Variants in DAB1 observed in about 807,000 individuals in gnomAD.
DAB1 encodes DAB adaptor protein 1.
Under a neutral mutation model 64.6 loss-of-function variants are expected in DAB1, and 15 were observed. The observed-to-expected ratio is 0.23, with a 90% CI of 0.16 to 0.36. DAB1 has a LOEUF of 0.36. DAB1 is among the 10% of genes least tolerant of loss of function. The pLI is 1.00. For synonymous variants in DAB1, 235 were observed against 251.9 expected (o/e 0.93, Z 0.64); for missense variants, 596 against 706.7 (o/e 0.84, Z 1.78).
intron 4 of DAB1, among the ~76,000 whole-genome samples, chr1:58,269,035 TTAAG>T (rs1338922512): frequency 6.6e-6 from 1 of 151,900 alleles, no homozygotes; most frequent in Non-Finnish European, 1.5e-5. Context: ...TTATTATACT[TTAAG>T]TTTTAGGGTA....
intron 5 of DAB1, among the ~76,000 whole-genome samples, chr1:58,067,296 T>C (rs1480338036): frequency 2.0e-5 from 3 of 152,226 alleles, no homozygotes; most frequent in Non-Finnish European, 4.4e-5. Context: ...CTGGCATAGA[T>C]GAGGCATTCG....
intron 6 of DAB1, among the ~76,000 whole-genome samples, chr1:57,782,812 A>G (rs1323044674): frequency 6.6e-6 from 1 of 152,198 alleles, no homozygotes; most frequent in African/African-American, 2.4e-5. Context: ...AATTGGGTGC[A>G]TGTAACTAGA....
intron 1 of DAB1, among the ~76,000 whole-genome samples, chr1:57,864,198 T>G (rs529120412): frequency 1.3e-5 from 2 of 152,150 alleles, no homozygotes; most frequent in Non-Finnish European, 2.9e-5. Flanking sequence ...CATGTGGATG[T>G]TGGGGAAGAT....
At chr1:58,149,061 C>T (rs1375253831) in intron 5 of DAB1, among the ~76,000 whole-genome samples, 2 of 152,206 alleles carry the variant, frequency 1.3e-5, no homozygotes, top group Admixed American at 6.5e-5. Flanking sequence ...CCCCTGGTCA[C>T]CCTACAACAG....
chr1:57,539,642 AT>A (rs1188197166), intron 7 of DAB1, among the ~76,000 whole-genome samples: 4 of 152,114 alleles, frequency 2.6e-5, no homozygotes, highest in Non-Finnish European at 2.9e-5. Context: ...TACTTGCTTT[AT>A]TTTTTTCTGC....
At chr1:58,045,005 GT>G (rs958160782) in intron 5 of DAB1, among the ~76,000 whole-genome samples, 10 of 152,202 alleles carry the variant, frequency 6.6e-5, no homozygotes, top group Admixed American at 1.3e-4. Context: ...TAGAAAATCT[GT>G]TTTTTTCTAC....
At chr1:58,220,203 ATT>A (rs1659084911) in intron 4 of DAB1, among the ~76,000 whole-genome samples, 1 of 152,220 alleles carries the variant, frequency 6.6e-6, no homozygotes, top group African/African-American at 2.4e-5. Context: ...TTGCAGGGAT[ATT>A]GTAGAAAGAG....
At chr1:58,352,654 G>T (rs879795860) in intron 3 of DAB1, among the ~76,000 whole-genome samples, 6 of 152,134 alleles carry the variant, frequency 3.9e-5, no homozygotes, top group Admixed American at 2.6e-4. Flanking sequence ...ACTCCAGGGG[G>T]TGCTATTCAC....
chr1:58,178,566 G>T (rs546945318), intron 4 of DAB1, among the ~76,000 whole-genome samples: 2 of 152,302 alleles, frequency 1.3e-5, no homozygotes, highest in South Asian at 2.1e-4. Flanking sequence ...ATGGGGACTG[G>T]TTGATAGTAA....
At chr1:58,301,170 T>C (rs1053917505) in intron 4 of DAB1, among the ~76,000 whole-genome samples, 9 of 148,398 alleles carry the variant, frequency 6.1e-5, no homozygotes, top group Admixed American at 3.4e-4. Context: ...AGGTGGAGTT[T>C]TGAGTTCTGA....
chr1:57,540,375 G>GA (rs1383104126), intron 7 of DAB1, among the ~76,000 whole-genome samples: 5 of 152,240 alleles, frequency 3.3e-5, no homozygotes, highest in Admixed American at 3.3e-4. Context: ...AACCACTATG[G>GA]AAAACAGTAC....
At chr1:57,605,355 C>T (rs1385731200) in intron 7 of DAB1, among the ~76,000 whole-genome samples, 1 of 152,132 alleles carries the variant, frequency 6.6e-6, no homozygotes, top group Admixed American at 6.6e-5. Flanking sequence ...AAATAAAATG[C>T]AAATCATGTT....
At chr1:58,507,787 A>G (rs1646011998) in intron 2 of DAB1, among the ~76,000 whole-genome samples, 1 of 152,142 alleles carries the variant, frequency 6.6e-6, no homozygotes, top group Admixed American at 6.5e-5. Context: ...ATGCCCCTCA[A>G]TAATAGGTAA....
intron 7 of DAB1, among the ~76,000 whole-genome samples, chr1:57,448,944 C>A (rs990920118): frequency 6.6e-6 from 1 of 152,192 alleles, no homozygotes; most frequent in African/African-American, 2.4e-5. Flanking sequence ...AACCCCAAGG[C>A]TCATTTTCCC....
At chr1:57,582,997 G>A (rs1051465926) in intron 7 of DAB1, among the ~76,000 whole-genome samples, 1 of 152,162 alleles carries the variant, frequency 6.6e-6, no homozygotes, top group Non-Finnish European at 1.5e-5. Context: ...ATGTGAGGAC[G>A]GAATGTGAAG....
intron 3 of DAB1, among the ~76,000 whole-genome samples, chr1:58,393,855 TAA>T (rs1249787626): frequency 3.9e-5 from 6 of 152,202 alleles, no homozygotes; most frequent in Non-Finnish European, 7.3e-5. Flanking sequence ...TTCAAATTGC[TAA>T]AAGAGTAGAT....
intron 6 of DAB1, among the ~76,000 whole-genome samples, chr1:57,755,692 T>C (rs540269519): frequency 1.3e-5 from 2 of 152,330 alleles, no homozygotes; most frequent in African/African-American, 4.8e-5. Context: ...GAATGTCTTC[T>C]TCTTGTTAGG....
At chr1:57,769,751 T>C (rs915294870) in intron 6 of DAB1, among the ~76,000 whole-genome samples, 2 of 152,268 alleles carry the variant, frequency 1.3e-5, no homozygotes, top group East Asian at 1.9e-4. Context: ...AGAGATGAAA[T>C]AGAAACTGCT....
chr1:57,658,045 T>A (rs1646338709), intron 6 of DAB1, among the ~76,000 whole-genome samples: 1 of 152,182 alleles, frequency 6.6e-6, no homozygotes, highest in South Asian at 2.1e-4. Context: ...CATACTAGTG[T>A]TCATGGTCAA....
Sources: gnomAD v4.1 joint callset for allele counts (sites outside exome capture counted in the v4.1 genomes callset) on GRCh38, gnomAD v4.1.1 for gene constraint, MANE v1.5 for transcripts, NCBI Gene and HGNC (gene_info 2026-07-23, HGNC 2026-07-21) for gene names.